The following GRID1 variants were observed in gnomAD, a reference collection of about 807,000 sequenced individuals.
GRID1 encodes the protein glutamate receptor ionotropic, delta-1.
Under a neutral mutation model 98.0 loss-of-function variants are expected in GRID1, and 28 were observed. That is an observed-to-expected ratio of 0.29 (90% confidence interval 0.21 to 0.39). The LOEUF is 0.39. Among genes scored for constraint, GRID1 ranks in the 10% least tolerant of loss-of-function variants. The pLI is 1.00. For missense variants in GRID1, 1,111 were observed against 1,340.5 expected, an observed-to-expected ratio of 0.83 and a Z score of 2.67; for synonymous variants, 553 against 538.5, an observed-to-expected ratio of 1.03 and a Z score of -0.37.
rs73342557 is a variant in GRID1, at chr10:85,893,166, T to C, written c.780+23020A>G. Among the ~76,000 whole-genome samples, 874 of 152,132 alleles carry C rather than the reference T, an allele frequency of 5.7e-3. 7 individuals are homozygous for C. The highest frequency in any genetic ancestry group is 0.02 in the African/African-American group (826 of 41,526). On this transcript the variant is annotated intron_variant, in intron 5 of 15. Coordinates refer to ENST00000327946, the MANE Select transcript of GRID1 (RefSeq NM_017551.3). ...ATCTCAATAGATGCACAAAAAATAT[T>C]TGGCAAAATTCAAGATCCAATTATG...
intron 2 of GRID1, among the ~76,000 whole-genome samples, chr10:86,232,159 C>T (rs2607839): frequency 1.3e-4 from 20 of 151,992 alleles, no homozygotes; most frequent in Non-Finnish European, 2.8e-4. Context: ...ATGAGAATAG[C>T]GCATCCCAAT....
At chr10:85,806,855 G>A (rs943517804) in intron 8 of GRID1, among the ~76,000 whole-genome samples, 4 of 152,096 alleles carry the variant, frequency 2.6e-5, no homozygotes, top group Non-Finnish European at 5.9e-5. Context: ...AAATAGGGTG[G>A]TGGTTACCTG....
intron 12 of GRID1, among the ~76,000 whole-genome samples, chr10:85,693,966 T>C (rs557360660): frequency 6.6e-6 from 1 of 152,268 alleles, no homozygotes; most frequent in South Asian, 2.1e-4. Flanking sequence ...GCTAAAGAAG[T>C]AGTCAACATT....
chr10:85,845,797 T>A (rs921332385), intron 8 of GRID1, among the ~76,000 whole-genome samples: 7 of 152,184 alleles, frequency 4.6e-5, no homozygotes, highest in African/African-American at 1.7e-4. Context: ...AATAATGAAT[T>A]ATCTAAAACT....
At chr10:85,647,094 A>G in intron 13 of GRID1, 108 bp downstream of exon 13, 1 of 830,156 alleles carries the variant, frequency 1.2e-6, no homozygotes. Flanking sequence ...CCTTGCAGGT[A>G]ACAGGGCTGC....
intron 3 of GRID1, among the ~76,000 whole-genome samples, chr10:86,189,638 A>G (rs569505097): frequency 6.6e-6 from 1 of 152,066 alleles, no homozygotes; most frequent in South Asian, 2.1e-4. Context: ...CCTGTTACCT[A>G]CTATTGACAC....
chr10:86,334,599 T>C (rs186043591), intron 2 of GRID1, among the ~76,000 whole-genome samples: 1 of 152,348 alleles, frequency 6.6e-6, no homozygotes, highest in African/African-American at 2.4e-5. Flanking sequence ...CTTCTTCTAC[T>C]GTATGCATAA....
At chr10:85,830,559 AACTATGCAT>A (rs1389264107) in intron 8 of GRID1, among the ~76,000 whole-genome samples, 1 of 73,282 alleles carries the variant, frequency 1.4e-5, no homozygotes, top group Non-Finnish European at 2.9e-5. Context: ...AAACTATGCA[AACTATGCAT>A]CCAATAAAGG....
At chr10:85,921,253 A>G (rs1841699266) in intron 4 of GRID1, among the ~76,000 whole-genome samples, 1 of 152,178 alleles carries the variant, frequency 6.6e-6, no homozygotes, top group South Asian at 2.1e-4. Flanking sequence ...CCACATCTTG[A>G]CACCCACATT....
At chr10:85,682,906 C>T (rs1305605012) in intron 12 of GRID1, among the ~76,000 whole-genome samples, 1 of 152,214 alleles carries the variant, frequency 6.6e-6, no homozygotes, top group East Asian at 1.9e-4. Context: ...GCATCCCTCC[C>T]CAGGGAAGAT....
chr10:86,065,334 T>C (rs1437851644), intron 4 of GRID1, among the ~76,000 whole-genome samples: 1 of 152,250 alleles, frequency 6.6e-6, no homozygotes, highest in Non-Finnish European at 1.5e-5. Flanking sequence ...GGGATTATGA[T>C]ACCTGCCCCT....
chr10:86,312,715 T>C (rs1007463847), intron 2 of GRID1, among the ~76,000 whole-genome samples: 2 of 152,186 alleles, frequency 1.3e-5, no homozygotes, highest in African/African-American at 4.8e-5. Context: ...TATAAACTAT[T>C]AGGAGCTATC....
In GRID1 at chr10:85,875,069, G is replaced by A. The variant is rs530103063; in HGVS notation, c.781-5889C>T. Among the ~76,000 whole-genome samples the A allele has an allele frequency of 5.9e-5, 9 of 152,022 alleles. No homozygotes were observed. The South Asian group carries it at 8.3e-4, about 14-fold the overall frequency. On this transcript the variant is annotated intron_variant, in intron 5 of 15. Coordinates refer to ENST00000327946, the MANE Select transcript of GRID1 (RefSeq NM_017551.3). ...TTTTGTTTGTATTTTTAGTAGAGAC[G>A]GGGTTTCACCATGTTGGTCAGGCTG...
intron 4 of GRID1, among the ~76,000 whole-genome samples, chr10:86,137,070 C>T (rs1314699269): frequency 1.3e-5 from 2 of 152,166 alleles, no homozygotes; most frequent in Admixed American, 6.5e-5. Context: ...GCAAGCCCAG[C>T]GAATCCACCA....
At chr10:86,043,021 G>A (rs2131900146) in intron 4 of GRID1, among the ~76,000 whole-genome samples, 1 of 151,986 alleles carries the variant, frequency 6.6e-6, no homozygotes, top group South Asian at 2.1e-4. Context: ...TGAGGTCAAG[G>A]CAGCAGCGAG....
chr10:86,194,614 A>G (rs955834587), intron 3 of GRID1, among the ~76,000 whole-genome samples: 6 of 152,098 alleles, frequency 3.9e-5, no homozygotes, highest in African/African-American at 1.4e-4. Flanking sequence ...CAACAAGAGT[A>G]TATTCATTTT....
intron 4 of GRID1, among the ~76,000 whole-genome samples, chr10:86,105,904 T>A (rs1017624974): frequency 6.6e-6 from 1 of 151,900 alleles, no homozygotes; most frequent in Non-Finnish European, 1.5e-5. Context: ...AGGAAAATGA[T>A]GGTAGAGTTA....
chr10:86,044,903 C>A (rs921889051), intron 4 of GRID1, among the ~76,000 whole-genome samples: 2 of 152,158 alleles, frequency 1.3e-5, no homozygotes, highest in African/African-American at 4.8e-5. Context: ...AGCGCAAGAG[C>A]ATCCCAGGGC....
intron 8 of GRID1, among the ~76,000 whole-genome samples, chr10:85,771,674 T>C (rs1218610038): frequency 5.3e-5 from 8 of 152,218 alleles, no homozygotes; most frequent in Admixed American, 3.9e-4. Context: ...GTTGCAATCC[T>C]AGTCTCTGAT....
Sources: gnomAD v4.1 joint callset for allele counts (sites outside exome capture counted in the v4.1 genomes callset) on GRCh38, gnomAD v4.1.1 for gene constraint, MANE v1.5 for transcripts, NCBI Gene and HGNC (gene_info 2026-07-23, HGNC 2026-07-21) for gene names.